LUC7L3: variants seen among roughly 807,000 people sequenced by gnomAD.
The protein encoded by LUC7L3 is LUC7 like 3 pre-mRNA splicing factor.
LUC7L3 carries 6 observed loss-of-function variants against 66.8 expected under a neutral mutation model. The ratio of observed to expected loss-of-function variants is 0.09; its 90% CI spans 0.05 to 0.18. LUC7L3 has a LOEUF of 0.18. Among genes scored for constraint, LUC7L3 ranks in the 10% least tolerant of loss-of-function variants. LUC7L3 has a pLI of 1.00. For synonymous variants in LUC7L3, 160 were observed against 174.7 expected, an observed-to-expected ratio of 0.92 and a Z score of 0.66; for missense variants, 341 against 531.1, an observed-to-expected ratio of 0.64 and a Z score of 3.52.
chr17:50,739,603 AAAATTGCGCCG>A (rs1376571704), intron 2 of LUC7L3, among the ~76,000 whole-genome samples: 1 of 152,146 alleles, frequency 6.6e-6, no homozygotes, highest in African/African-American at 2.4e-5. Context: ...GCGGTGAGCC[AAAATTGCGCCG>A]CTGCACTCCG....
chr17:50,722,979 AAAC>A (rs1968893106), intron 1 of LUC7L3: 1 of 152,270 alleles, frequency 6.6e-6, no homozygotes, highest in Non-Finnish European at 1.5e-5. Flanking sequence ...GGTTAATCCT[AAAC>A]AACCACAGTG....
rs1971083723 is a variant in LUC7L3, at chr17:50,754,922, T to G, written c.*4261T>G. The G allele has an allele frequency of 1.3e-5, 2 of 152,206 alleles. No homozygotes were observed. The allele number at this position is 152,206 out of a possible 1,614,324, so 9.4% of individuals were successfully genotyped here. A position where few individuals can be genotyped will look rare whatever the true frequency, so the allele number is the denominator to read the frequency against. ...TCAGACTTGTAAGAACTGAAAATTT[T>G]TATGGTGGAAGTTCTCTGAGCCCTC... On this transcript the variant is annotated 3_prime_UTR_variant, in exon 10 of 10. Coordinates refer to ENST00000505658, the MANE Select transcript of LUC7L3 (RefSeq NM_016424.5).
intron 1 of LUC7L3, 114 bp from the exon 2 acceptor site, chr17:50,736,846 C>A (rs1970015710): frequency 1.4e-5 from 9 of 661,548 alleles, no homozygotes; most frequent in South Asian, 1.2e-4. Context: ...GAAATTCTTA[C>A]ATTGGTTGAA....
chr17:50,723,591 A>G (rs904083526), intron 1 of LUC7L3: 4 of 156,140 alleles, frequency 2.6e-5, no homozygotes, highest in African/African-American at 9.7e-5. Context: ...CAAAATGTTC[A>G]TAGTAACTTA....
At position 50,733,553 on chromosome 17, in the gene LUC7L3, T is replaced by C. The variant is rs1969776998; in HGVS notation, c.100-3407T>C. Among the ~76,000 whole-genome samples the C allele has an allele frequency of 2.6e-5, 4 of 151,702 alleles. 1 individual carries two copies. The South Asian group carries it at 6.2e-4, about 24-fold the overall frequency. Reference sequence around the variant, plus strand: ...AGTAGCTGGGACTACAGGCGGCCGCTACCACGCCTGGCTAATTTTTTGTAT... The same window carrying C: ...AGTAGCTGGGACTACAGGCGGCCGCCACCACGCCTGGCTAATTTTTTGTAT... On this transcript the variant is annotated intron_variant, in intron 1 of 9. Coordinates refer to ENST00000505658, the MANE Select transcript of LUC7L3 (RefSeq NM_016424.5).
intron 1 of LUC7L3, among the ~76,000 whole-genome samples, chr17:50,720,579 C>G (rs1968678432): frequency 6.6e-6 from 1 of 152,192 alleles, no homozygotes; most frequent in African/African-American, 2.4e-5. Context: ...GTTCTCTGCA[C>G]CTACTGTAGC....
chr17:50,725,832 T>A (rs1348097451), intron 1 of LUC7L3, among the ~76,000 whole-genome samples: 1 of 152,188 alleles, frequency 6.6e-6, no homozygotes, highest in Non-Finnish European at 1.5e-5. Flanking sequence ...ACAAAATACA[T>A]ACGAATCATA....
intron 2 of LUC7L3, among the ~76,000 whole-genome samples, chr17:50,739,641 AAG>A (rs1970217147): frequency 1.6e-5 from 2 of 122,136 alleles, no homozygotes; most frequent in Non-Finnish European, 3.4e-5. Context: ...GCGACAGAGC[AAG>A]ACTCTATCTC....
Position 50,751,523 on chromosome 17 carries a change from G to A in LUC7L3, c.*862G>A, listed in dbSNP as rs1597948993. On this transcript the variant is annotated 3_prime_UTR_variant, in exon 10 of 10. Coordinates refer to ENST00000505658, the MANE Select transcript of LUC7L3 (RefSeq NM_016424.5). ...AAAACTTATAAAACAAATGTTAACA[G>A]AATGGAATTTTTTTTCAACTGTATG... 2 of 1,176,916 alleles carry A rather than the reference G, an allele frequency of 1.7e-6. No homozygotes were observed. Among genetic ancestry groups the A allele is most frequent in the African/African-American group, 1.6e-5 (1 of 61,882 alleles). 72.9% of individuals were successfully genotyped at this position (1,176,916 alleles called of 1,614,324 possible). A position where few individuals can be genotyped will look rare whatever the true frequency, so the allele number is the denominator to read the frequency against.
At chr17:50,724,189 A>T (rs1968999829) in intron 1 of LUC7L3, 1 of 260,328 alleles carries the variant, frequency 3.8e-6, no homozygotes, top group Non-Finnish European at 7.8e-6. Flanking sequence ...TCAACCTTAA[A>T]GCGGTCATTG....
intron 1 of LUC7L3, among the ~76,000 whole-genome samples, chr17:50,720,273 A>G (rs541409498): frequency 1.3e-5 from 2 of 152,366 alleles, no homozygotes; most frequent in Middle Eastern, 3.4e-3. Context: ...TAATTACAGC[A>G]TGACGCTTAT....
In LUC7L3 at chr17:50,750,993, C is replaced by CTT. The variant is rs55943930; in HGVS notation, c.*343_*344dup. The CTT allele has an allele frequency of 2.5e-3, 2,688 of 1,075,716 alleles. 17 individuals carry two copies. The African/African-American group carries it at 0.037, about 15-fold the overall frequency. 66.6% of individuals were successfully genotyped at this position (1,075,716 alleles called of 1,614,324 possible). A position where few individuals can be genotyped will look rare whatever the true frequency, so the allele number is the denominator to read the frequency against. ...TTTTTTAGGGATTTTGATGTCATTT[C>CTT]TTTTTTTTTTTTAATAAAAAGGTTG... On this transcript the variant is annotated 3_prime_UTR_variant, in exon 10 of 10. Coordinates refer to ENST00000505658, the MANE Select transcript of LUC7L3 (RefSeq NM_016424.5).
At chr17:50,740,705 C>G (rs1970295420) in intron 3 of LUC7L3, among the ~76,000 whole-genome samples, 1 of 152,146 alleles carries the variant, frequency 6.6e-6, no homozygotes, top group Non-Finnish European at 1.5e-5. Context: ...ATTACAGGTG[C>G]CCACCACCAT....
rs760080062 is a variant in LUC7L3, at chr17:50,745,760, A to G, written c.734A>G (p.Glu245Gly). The change falls in exon 8 of 10, where the codon GAG (glutamate) becomes GGG (glycine). Residue 245 changes from glutamate to glycine, a missense_variant. Around this residue, in one of 6 missense-constraint regions of LUC7L3, gnomAD observed 210 missense variants for 238.1 expected, o/e 0.88. Transcript: ENST00000505658. ...RKRTEEPDRD[E>G]RLKKEKQERE... The stretch of plus-strand genomic sequence containing the variant: ...AGAACCGAAGAACCTGATCGTGATG[A>G]GCGTCTAAAAAAGGAGAAGCAAGAA... The G allele has an allele frequency of 6.3e-7, 1 of 1,594,162 alleles. No homozygotes were observed. Among genetic ancestry groups the G allele is most frequent in the South Asian group, 1.2e-5 (1 of 85,358 alleles).
chr17:50,729,896 T>C (rs8079192), intron 1 of LUC7L3, among the ~76,000 whole-genome samples: 20 of 65,580 alleles, frequency 3.0e-4, no homozygotes, highest in Non-Finnish European at 5.5e-4. Flanking sequence ...TATAAATACA[T>C]TATATATATA....
intron 1 of LUC7L3, among the ~76,000 whole-genome samples, chr17:50,732,276 T>C (rs988080566): frequency 1.3e-5 from 2 of 152,232 alleles, no homozygotes; most frequent in African/African-American, 4.8e-5. Context: ...CCTGGCACTT[T>C]AACACCCAAG....
rs750004488 is a variant in LUC7L3 at position 50,744,818 on chromosome 17, G to GT, written c.693+12dup. Reference sequence around the variant, plus strand: ...GCTACTGTAGAAGAATTAAAAGTAAGTTTTTTTGTTTGTTTTGAGGCAGAT... The same window carrying GT: ...GCTACTGTAGAAGAATTAAAAGTAAGTTTTTTTTGTTTGTTTTGAGGCAGAT... On this transcript the variant is annotated splice_donor_region_variant and intron_variant, in intron 7 of 9. Coordinates refer to ENST00000505658, the MANE Select transcript of LUC7L3 (RefSeq NM_016424.5). The GT allele has an allele frequency of 5.0e-6, 8 of 1,607,226 alleles. No individual in the cohort carries two copies. Among genetic ancestry groups the GT allele is most frequent in the African/African-American group, 2.7e-5 (2 of 74,218 alleles).
intron 4 of LUC7L3, 129 bp downstream of exon 4, chr17:50,741,375 G>T (rs1970336892): frequency 2.1e-6 from 2 of 953,506 alleles, no homozygotes; most frequent in Non-Finnish European, 1.5e-6. Flanking sequence ...AACTTATAGG[G>T]CATTCATTTT....
Position 50,751,942 on chromosome 17 carries a change from T to C in LUC7L3, c.*1281T>C. 9.7e-7 allele frequency: 1 copy of C among 1,034,612 alleles called. No individual in the cohort carries two copies. The highest frequency in any genetic ancestry group is 1.2e-6 in the Non-Finnish European group (1 of 859,110). 64.1% of individuals were successfully genotyped at this position (1,034,612 alleles called of 1,614,324 possible). On this transcript the variant is annotated 3_prime_UTR_variant, in exon 10 of 10. Coordinates refer to ENST00000505658, the MANE Select transcript of LUC7L3 (RefSeq NM_016424.5). ...TATTCCTAATGAAAGGAAGTACCAATTAGTTGATTTGTTGGTGGCATTCCC... is the reference window on the plus strand; with the variant it reads ...TATTCCTAATGAAAGGAAGTACCAACTAGTTGATTTGTTGGTGGCATTCCC...
Sources: allele counts gnomAD v4.1 joint callset (sites outside exome capture counted in the v4.1 genomes callset), GRCh38; gene constraint gnomAD v4.1.1; regional missense constraint gnomAD v4.1.1; transcripts MANE v1.5; gene names NCBI Gene and HGNC (gene_info 2026-07-23, HGNC 2026-07-21).